FGF14: variants seen among roughly 807,000 people sequenced by gnomAD.
The protein encoded by FGF14 is fibroblast growth factor homologous factor 4.
Under a neutral mutation model 25.5 loss-of-function variants are expected in FGF14, and 5 were observed. The observed-to-expected ratio is 0.20, with a 90% CI of 0.10 to 0.41. The LOEUF (loss-of-function observed/expected upper bound fraction) is 0.41. Among genes scored for constraint, FGF14 ranks in the 10% least tolerant of loss-of-function variants. The probability of loss-of-function intolerance (pLI) is 1.00; values close to 1 mark genes in which losing one functional copy is unlikely to be tolerated. For synonymous variants in FGF14, 138 were observed against 118.3 expected, an observed-to-expected ratio of 1.17 and a Z score of -1.08; for missense variants, 222 against 320.1, an observed-to-expected ratio of 0.69 and a Z score of 2.34.
At chr13:101,864,712 A>G (rs530090948) in intron 3 of FGF14, among the ~76,000 whole-genome samples, 1 of 152,224 alleles carries the variant, frequency 6.6e-6, no homozygotes, top group East Asian at 1.9e-4. Context: ...TGAGATGCTA[A>G]TTTCAGGAGA....
chr13:101,749,552 G>A (rs564276375), intron 3 of FGF14, among the ~76,000 whole-genome samples: 41 of 152,018 alleles, frequency 2.7e-4, no homozygotes, highest in African/African-American at 9.6e-4. Flanking sequence ...GTATGCAAAA[G>A]GAAAATAAAC....
intron 1 of FGF14, among the ~76,000 whole-genome samples, chr13:102,083,326 T>C (rs761587576): frequency 6.6e-6 from 1 of 152,228 alleles, no homozygotes; most frequent in African/African-American, 2.4e-5. Context: ...AATCTGAGGA[T>C]TGAACTCTGA....
rs115539257 is a variant in FGF14, at chr13:101,942,482, A to G, written c.209-67186T>C. Among the ~76,000 whole-genome samples, 1,128 of 152,318 alleles carry G rather than the reference A, an allele frequency of 7.4e-3. 13 individuals are homozygous for G. The highest frequency in any genetic ancestry group is 0.025 in the African/African-American group (1,058 of 41,564). On this transcript the variant is annotated intron_variant, in intron 1 of 4. Coordinates refer to the FGF14 transcript ENST00000376131. ...TCATTTGATTTTGTCTTTTTAATTT[A>G]TGGAACAGATCTATTAGCTGCAGAA...
chr13:102,216,698 C>G (rs1337764619), intron 1 of FGF14, among the ~76,000 whole-genome samples: 7 of 152,088 alleles, frequency 4.6e-5, no homozygotes, highest in African/African-American at 1.7e-4. Flanking sequence ...TTCAAACATA[C>G]AACATATCAT....
At chr13:101,906,848 T>C (rs1369805525) in intron 1 of FGF14, among the ~76,000 whole-genome samples, 2 of 152,038 alleles carry the variant, frequency 1.3e-5, no homozygotes, top group Admixed American at 6.6e-5. Flanking sequence ...AAAGAAGAGG[T>C]AGAACATATT....
chr13:101,784,765 T>C (rs1422840424), intron 3 of FGF14, among the ~76,000 whole-genome samples: 1 of 152,218 alleles, frequency 6.6e-6, no homozygotes, highest in African/African-American at 2.4e-5. Context: ...ACACCTGCTG[T>C]GTGTCTTGAA....
At position 101,868,818 on chromosome 13, in the gene FGF14, G is replaced by A. The variant is rs2044877636; in HGVS notation, c.315C>T (p.Asn105=). 4 of 1,611,448 alleles carry A rather than the reference G, an allele frequency of 2.5e-6. No individual in the cohort carries two copies. Among genetic ancestry groups the A allele is most frequent in the Admixed American group, 3.3e-5 (2 of 59,982 alleles). The change falls in exon 3 of 5, where the codon AAC becomes AAT. Residue 105 remains asparagine, a synonymous_variant. Coordinates refer to ENST00000376143, the MANE Select transcript of FGF14 (RefSeq NM_004115.4). Reference sequence around the variant, plus strand: ...CAACACGTAGTCCCACTGGTATGAGGTTGAAGAGTGCTGTGAAGATAAACA... The same window carrying A: ...CAACACGTAGTCCCACTGGTATGAGATTGAAGAGTGCTGTGAAGATAAACA... ...KDDSTNSTLF[N]LIPVGLRVVA... is the part of the protein sequence containing the mutation.
At chr13:101,760,987 A>T (rs1397601456) in intron 3 of FGF14, among the ~76,000 whole-genome samples, 1 of 152,208 alleles carries the variant, frequency 6.6e-6, no homozygotes, top group African/African-American at 2.4e-5. Flanking sequence ...TACTTCACCT[A>T]AATACCCTAT....
At chr13:102,402,001 C>A, upstream of FGF14, 9 of 349,888 alleles carry the variant, frequency 2.6e-5, no homozygotes, top group East Asian at 6.6e-5. Flanking sequence ...AAGCAGGATT[C>A]ATCTTACTGA....
chr13:101,741,941 A>G (rs2036585458), intron 3 of FGF14, among the ~76,000 whole-genome samples: 2 of 152,290 alleles, frequency 1.3e-5, no homozygotes, highest in South Asian at 4.1e-4. Flanking sequence ...GAAGCACTAC[A>G]CTTTTAAGGA....
At chr13:102,248,047 C>G (rs1278787965) in intron 1 of FGF14, among the ~76,000 whole-genome samples, 2 of 152,040 alleles carry the variant, frequency 1.3e-5, no homozygotes, top group African/African-American at 4.8e-5. Context: ...GACGAGAACA[C>G]ATGAACACAA....
In FGF14 at chr13:101,739,401, T is replaced by C. The variant is rs145681584; in HGVS notation, c.409-12591A>G. On this transcript the variant is annotated intron_variant, in intron 3 of 4. Transcript: ENST00000376143. ...AATGAGAGACAAATGTTTACACTAATGATCGTATTATTACAAATTAAGAAA... is the reference window on the plus strand; with the variant it reads ...AATGAGAGACAAATGTTTACACTAACGATCGTATTATTACAAATTAAGAAA... 2.7e-3 allele frequency among the ~76,000 whole-genome samples: 416 copies of C among 152,174 alleles called. 4 individuals carry two copies. Among genetic ancestry groups the C allele is most frequent in the African/African-American group, 9.4e-3 (391 of 41,504 alleles).
intron 1 of FGF14, among the ~76,000 whole-genome samples, chr13:102,055,735 G>A (rs2140078220): frequency 6.6e-6 from 1 of 152,284 alleles, no homozygotes; most frequent in African/African-American, 2.4e-5. Context: ...GCCAGACCCA[G>A]CCTGCCTATT....
At chr13:101,756,728 T>C (rs1462892841) in intron 3 of FGF14, among the ~76,000 whole-genome samples, 3 of 151,982 alleles carry the variant, frequency 2.0e-5, no homozygotes, top group African/African-American at 7.3e-5. Context: ...GCAAGACTCC[T>C]TCCTCCACCA....
At chr13:101,733,800 C>T (rs1215219220) in intron 3 of FGF14, among the ~76,000 whole-genome samples, 1 of 151,618 alleles carries the variant, frequency 6.6e-6, no homozygotes, top group Non-Finnish European at 1.5e-5. Flanking sequence ...TATTTCTCAA[C>T]ATTTAGAGAT....
At chr13:101,839,816 A>C (rs550404130) in intron 3 of FGF14, among the ~76,000 whole-genome samples, 1 of 152,034 alleles carries the variant, frequency 6.6e-6, no homozygotes, top group Non-Finnish European at 1.5e-5. Flanking sequence ...AAGAAAATGT[A>C]ATGTATGCTC....
At chr13:101,743,966 A>T (rs1412973735) in intron 3 of FGF14, among the ~76,000 whole-genome samples, 1 of 152,176 alleles carries the variant, frequency 6.6e-6, no homozygotes, top group Non-Finnish European at 1.5e-5. Flanking sequence ...TAGAATAGAA[A>T]CCAAAATAAA....
At chr13:101,947,364 G>C (rs9513967) in intron 1 of FGF14, among the ~76,000 whole-genome samples, 59,766 of 151,960 alleles carry the variant, frequency 0.39, 12,869 homozygotes, top group East Asian at 0.72. Flanking sequence ...ATTGTTCTAT[G>C]AAAAAGACAC....
chr13:101,714,280 A>G lies in FGF14; in HGVS notation c.*8551T>C. ...CTGGGTGACCTTTATGAATTACAGTAAGTAAAGCTCCCCTCTGAGAAACCA... is the reference window on the plus strand; with the variant it reads ...CTGGGTGACCTTTATGAATTACAGTGAGTAAAGCTCCCCTCTGAGAAACCA... On this transcript the variant is annotated 3_prime_UTR_variant, in exon 5 of 5. Transcript: ENST00000376143. The G allele has an allele frequency of 1.6e-6, 1 of 618,780 alleles. No homozygotes were observed. The highest frequency in any genetic ancestry group is 1.9e-5 in the South Asian group (1 of 51,486). The allele number at this position is 618,780 out of a possible 1,614,324, so 38.3% of individuals were successfully genotyped here.
Sources: allele counts gnomAD v4.1 joint callset (sites outside exome capture counted in the v4.1 genomes callset), GRCh38; gene constraint gnomAD v4.1.1; transcripts MANE v1.5; gene names NCBI Gene and HGNC (gene_info 2026-07-23, HGNC 2026-07-21).